Variants in PTPRT observed in about 807,000 individuals in gnomAD.
PTPRT encodes protein tyrosine phosphatase receptor type T, also known as receptor-type tyrosine-protein phosphatase T.
In PTPRT, 56 loss-of-function variants were observed where a neutral mutation model predicts 176.8. The ratio of observed to expected loss-of-function variants is 0.32; its 90% CI spans 0.26 to 0.40. The LOEUF (loss-of-function observed/expected upper bound fraction) is 0.40. PTPRT is among the 10% of genes least tolerant of loss of function. PTPRT has a pLI of 1.00. For synonymous variants in PTPRT, 783 were observed against 739.0 expected (o/e 1.06, Z -0.96); for missense variants, 1,540 against 1,908.2 (o/e 0.81, Z 3.60).
chr20:42,264,929 C>T (rs2056813589), intron 13 of PTPRT, among the ~76,000 whole-genome samples: 1 of 152,202 alleles, frequency 6.6e-6, no homozygotes, highest in South Asian at 2.1e-4. Context: ...CACAGTCTGG[C>T]CCAGATTCAG....
At chr20:42,892,932 C>G (rs1034084159) in intron 1 of PTPRT, among the ~76,000 whole-genome samples, 1 of 152,092 alleles carries the variant, frequency 6.6e-6, no homozygotes, top group African/African-American at 2.4e-5. Flanking sequence ...CAGGCTGGGG[C>G]CCACAGAGAA....
chr20:43,044,937 G>A (rs1464755904), intron 1 of PTPRT, among the ~76,000 whole-genome samples: 5 of 152,262 alleles, frequency 3.3e-5, no homozygotes, highest in Middle Eastern at 3.4e-3. Flanking sequence ...TGCACTCAAC[G>A]CTAAGGTTAT....
At chr20:43,078,426 T>C (rs2011338300) in intron 1 of PTPRT, among the ~76,000 whole-genome samples, 1 of 152,002 alleles carries the variant, frequency 6.6e-6, no homozygotes. Context: ...ATCCAGGTGA[T>C]TTTTTTTCTC....
intron 2 of PTPRT, among the ~76,000 whole-genome samples, chr20:42,843,706 T>C (rs1057324918): frequency 1.3e-5 from 2 of 152,218 alleles, no homozygotes; most frequent in Admixed American, 1.3e-4. Flanking sequence ...TAGCTTTGGC[T>C]CCAAGGAGGA....
intron 13 of PTPRT, chr20:42,270,379 C>CCGGGGGGGGGGTTA: frequency 6.5e-7 from 1 of 1,541,634 alleles, no homozygotes; most frequent in Non-Finnish European, 8.8e-7. Flanking sequence ...CCCACCCGCC[C>CCGGGGGGGGGGTTA]AGGGCTCTGG....
chr20:42,872,153 A>G (rs1487476085), intron 2 of PTPRT, among the ~76,000 whole-genome samples: 1 of 152,246 alleles, frequency 6.6e-6, no homozygotes, highest in African/African-American at 2.4e-5. Flanking sequence ...AAGTTTTAAA[A>G]ACAGTTTGCT....
chr20:42,828,432 G>A (rs901179523), intron 2 of PTPRT, among the ~76,000 whole-genome samples: 4 of 152,192 alleles, frequency 2.6e-5, no homozygotes, highest in Non-Finnish European at 5.9e-5. Context: ...CCCATTTTCT[G>A]GGGAGAAATC....
intron 7 of PTPRT, among the ~76,000 whole-genome samples, chr20:42,494,269 TG>T (rs1892312518): frequency 1.3e-5 from 2 of 152,200 alleles, no homozygotes; most frequent in Non-Finnish European, 2.9e-5. Flanking sequence ...TATTTTAATT[TG>T]TTTTTATTGA....
intron 1 of PTPRT, among the ~76,000 whole-genome samples, chr20:43,175,147 G>A (rs1003755766): frequency 6.6e-6 from 1 of 152,212 alleles, no homozygotes. Flanking sequence ...TCTGGGATGC[G>A]AGGAAGTCTC....
chr20:42,469,028 C>G (rs1319352599), intron 8 of PTPRT, among the ~76,000 whole-genome samples: 1 of 152,036 alleles, frequency 6.6e-6, no homozygotes, highest in Admixed American at 6.6e-5. Context: ...CCTAGGGGAG[C>G]TGGGAAGTTT....
chr20:42,703,533 G>A (rs550415589), intron 6 of PTPRT, among the ~76,000 whole-genome samples: 6 of 152,280 alleles, frequency 3.9e-5, no homozygotes, highest in South Asian at 4.1e-4. Context: ...AGTGGGCCCA[G>A]CAACATAGAG....
At chr20:43,015,964 C>T (rs975308602) in intron 1 of PTPRT, among the ~76,000 whole-genome samples, 1 of 147,086 alleles carries the variant, frequency 6.8e-6, no homozygotes, top group African/African-American at 2.5e-5. Context: ...AAAAAAAAAG[C>T]CCACGTCCAC....
At chr20:42,207,315 A>C (rs1484726490) in intron 15 of PTPRT, among the ~76,000 whole-genome samples, 10 of 151,514 alleles carry the variant, frequency 6.6e-5, no homozygotes, top group Admixed American at 6.6e-4. Context: ...GAGCTGAGAG[A>C]AGAAGGCTTC....
At chr20:42,610,053 G>A (rs2073947896) in intron 7 of PTPRT, among the ~76,000 whole-genome samples, 2 of 152,184 alleles carry the variant, frequency 1.3e-5, no homozygotes, top group Non-Finnish European at 2.9e-5. Context: ...ACTGCAGGAA[G>A]ACTCAAGTTA....
At chr20:42,876,761 C>T (rs763686164) in intron 2 of PTPRT, among the ~76,000 whole-genome samples, 6 of 152,104 alleles carry the variant, frequency 3.9e-5, no homozygotes, top group Non-Finnish European at 8.8e-5. Flanking sequence ...TTCCTTATTC[C>T]AGGCCCCATG....
At position 42,756,082 on chromosome 20, in the gene PTPRT, A is replaced by T. The variant is rs187164602; in HGVS notation, c.859+380T>A. 9.6e-3 allele frequency among the ~76,000 whole-genome samples: 1,453 copies of T among 151,806 alleles called. 35 individuals are homozygous for T. Among genetic ancestry groups the T allele is most frequent in the African/African-American group, 0.033 (1,361 of 41,452 alleles). ...TCATTGTATTGAGTTTTCAATTTTT[A>T]AAAAAAAATCCCTCAGAAACAATAG... On this transcript the variant is annotated intron_variant, in intron 6 of 30. Coordinates refer to ENST00000373187, the MANE Select transcript of PTPRT (RefSeq NM_007050.6).
intron 9 of PTPRT, among the ~76,000 whole-genome samples, chr20:42,398,293 T>C (rs2058871134): frequency 6.6e-6 from 1 of 152,202 alleles, no homozygotes; most frequent in Non-Finnish European, 1.5e-5. Flanking sequence ...TGGGTTTTTT[T>C]CTATTCTATT....
At chr20:42,940,330 C>T (rs1244014473) in intron 1 of PTPRT, among the ~76,000 whole-genome samples, 3 of 152,198 alleles carry the variant, frequency 2.0e-5, no homozygotes, top group Non-Finnish European at 4.4e-5. Context: ...CAGTTAGCAG[C>T]CTTTGATGTT....
At chr20:43,147,143 C>T (rs1354799303) in intron 1 of PTPRT, among the ~76,000 whole-genome samples, 2 of 152,172 alleles carry the variant, frequency 1.3e-5, no homozygotes, top group Admixed American at 6.5e-5. Context: ...AGAACCTACT[C>T]GAGGGGCATC....
Sources: gnomAD v4.1 joint callset for allele counts (sites outside exome capture counted in the v4.1 genomes callset) on GRCh38, gnomAD v4.1.1 for gene constraint, MANE v1.5 for transcripts, NCBI Gene and HGNC (gene_info 2026-07-23, HGNC 2026-07-21) for gene names.